PDCD6: variants seen among roughly 807,000 people sequenced by gnomAD.
The protein encoded by PDCD6 is programmed cell death 6.
PDCD6 carries 12 observed loss-of-function variants against 28.3 expected under a neutral mutation model. The observed-to-expected ratio is 0.42, with a 90% CI of 0.27 to 0.69. The LOEUF is 0.69. Among genes scored for constraint, PDCD6 ranks in the 30% least tolerant of loss-of-function variants. The pLI is 0.22. For synonymous variants in PDCD6, 92 were observed against 108.0 expected (o/e 0.85, Z 0.92); for missense variants, 226 against 269.9 (o/e 0.84, Z 1.14).
intron 2 of PDCD6, among the ~76,000 whole-genome samples, chr5:283,214 G>A (rs62345234): frequency 4.0e-5 from 6 of 151,854 alleles, no homozygotes; most frequent in African/African-American, 7.3e-5. Flanking sequence ...TGCAGCTGAA[G>A]ACTCGGGGAG....
At chr5:301,830 A>C (rs1405884803) in intron 2 of PDCD6, among the ~76,000 whole-genome samples, 6 of 143,820 alleles carry the variant, frequency 4.2e-5, no homozygotes, top group African/African-American at 1.6e-4. Context: ...TTGTGGGAAG[A>C]GCACAGCTTC....
intron 5 of PDCD6, among the ~76,000 whole-genome samples, chr5:313,078 C>T (rs1025026838): frequency 1.3e-5 from 2 of 152,230 alleles, no homozygotes; most frequent in African/African-American, 4.8e-5. Flanking sequence ...GAGATGCCTC[C>T]TCAAGGCCCT....
At chr5:272,127 G>C (rs1030103679) in intron 1 of PDCD6, among the ~76,000 whole-genome samples, 5 of 151,328 alleles carry the variant, frequency 3.3e-5, no homozygotes, top group African/African-American at 9.8e-5. Flanking sequence ...CCAAGATGCA[G>C]AGTGCGCCAC....
intron 4 of PDCD6, chr5:308,756 AG>A (rs1560863081): frequency 6.6e-6 from 1 of 152,242 alleles, no homozygotes; most frequent in African/African-American, 2.4e-5. Context: ...GGGAATCACC[AG>A]GGTGGTGAAG....
chr5:297,630 G>C (rs1266263443), intron 2 of PDCD6, among the ~76,000 whole-genome samples: 1 of 152,164 alleles, frequency 6.6e-6, no homozygotes, highest in Non-Finnish European at 1.5e-5. Context: ...GGGCTTCCTT[G>C]CACCTGTGCC....
chr5:292,225 A>G (rs1399415725), intron 2 of PDCD6, among the ~76,000 whole-genome samples: 1 of 151,986 alleles, frequency 6.6e-6, no homozygotes. Flanking sequence ...GTTTCTGTTA[A>G]GTTGTTTGAA....
At chr5:294,268 A>G (rs113683003) in intron 2 of PDCD6, among the ~76,000 whole-genome samples, 6 of 141,158 alleles carry the variant, frequency 4.3e-5, no homozygotes, top group Non-Finnish European at 7.4e-5. Context: ...AACACAAACC[A>G]TGGTCTAGAA....
At chr5:297,472 G>A (rs971524553) in intron 2 of PDCD6, among the ~76,000 whole-genome samples, 1 of 152,220 alleles carries the variant, frequency 6.6e-6, no homozygotes, top group African/African-American at 2.4e-5. Context: ...TATTTCAAGT[G>A]TAAAAGTGTT....
intron 2 of PDCD6, among the ~76,000 whole-genome samples, chr5:279,794 AAAAAAAAAAAAAC>A (rs1367530024): frequency 6.8e-6 from 1 of 147,854 alleles, no homozygotes; most frequent in African/African-American, 2.6e-5. Flanking sequence ...AAAAAAAAAA[AAAAAAAAAAAAAC>A]GAGGAGCCGG....
At chr5:289,314 A>G (rs1739175368) in intron 2 of PDCD6, 1 of 540,054 alleles carries the variant, frequency 1.9e-6, no homozygotes, top group South Asian at 2.4e-5. Flanking sequence ...CGGCATTACA[A>G]GGAGTTCTAT....
intron 4 of PDCD6, chr5:309,576 C>T (rs62330018): frequency 0.063 from 13,661 of 216,864 alleles, 1,265 homozygotes; most frequent in African/African-American, 0.32. Flanking sequence ...TGTCCCCGTG[C>T]ACCCCAGTGA....
At position 305,174 on chromosome 5, in the gene PDCD6, T is replaced by C. The variant is rs1292158621; in HGVS notation, c.208+953T>C. The C allele has an allele frequency of 6.6e-6, 1 of 152,430 alleles. No individual in the cohort carries two copies. Among genetic ancestry groups the C allele is most frequent in the East Asian group, 1.9e-4 (1 of 5,210 alleles). The allele number at this position is 152,430 out of a possible 1,614,324, so 9.4% of individuals were successfully genotyped here. Reference sequence around the variant, plus strand: ...GACTTGATTTCTGGAAGGTTCCCTTTGCTGGGAGGTGCAGCCCCCTTCAGA... The same window carrying C: ...GACTTGATTTCTGGAAGGTTCCCTTCGCTGGGAGGTGCAGCCCCCTTCAGA... On this transcript the variant is annotated intron_variant, in intron 3 of 5. Coordinates refer to ENST00000264933, the MANE Select transcript of PDCD6 (RefSeq NM_013232.4). The surrounding 1 kb of genome is among the most constrained non-coding windows in gnomAD (Gnocchi z 4.0).
intron 2 of PDCD6, among the ~76,000 whole-genome samples, chr5:282,272 CG>C (rs56327944): frequency 0.3 from 23,047 of 76,380 alleles, 3,684 homozygotes; most frequent in African/African-American, 0.57. Flanking sequence ...GCGGAAAAAT[CG>C]GGGGGGGGGG....
intron 4 of PDCD6, 123 bp from the exon 5 acceptor site, chr5:311,170 C>T (rs954578563): frequency 3.7e-5 from 27 of 733,670 alleles, no homozygotes; most frequent in African/African-American, 1.1e-4. Context: ...TTTGCACTTC[C>T]GTTCCCACAC....
chr5:300,298 G>A (rs1739969473), intron 2 of PDCD6, among the ~76,000 whole-genome samples: 2 of 152,224 alleles, frequency 1.3e-5, no homozygotes, highest in African/African-American at 4.8e-5. Flanking sequence ...GTTCAGGAGA[G>A]CCTCCCTGGT....
intron 2 of PDCD6, among the ~76,000 whole-genome samples, chr5:279,803 AAAAC>A (rs1232753052): frequency 0.08 from 11,623 of 144,948 alleles, 1,699 homozygotes; most frequent in African/African-American, 0.3. Flanking sequence ...AAAAAAAAAA[AAAAC>A]GAGGAGCCGG....
At chr5:288,232 T>C (rs151033878) in intron 2 of PDCD6, among the ~76,000 whole-genome samples, 2,553 of 150,596 alleles carry the variant, frequency 0.017, 71 homozygotes, top group African/African-American at 0.059. Context: ...GTATCCACTG[T>C]ATTCATCTCT....
chr5:303,297 T>TAAAAAAA (rs34022166), intron 2 of PDCD6, among the ~76,000 whole-genome samples: 1 of 129,226 alleles, frequency 7.7e-6, no homozygotes, highest in Non-Finnish European at 1.7e-5. Flanking sequence ...TTTTTGTGCA[T>TAAAAAAA]AAAAAAAAAA....
At chr5:287,483 T>C (rs1449960671) in intron 2 of PDCD6, among the ~76,000 whole-genome samples, 1 of 152,122 alleles carries the variant, frequency 6.6e-6, no homozygotes, top group African/African-American at 2.4e-5. Context: ...AGAAAGACCC[T>C]GATTAATACC....
Sources: gnomAD v4.1 joint callset for allele counts (sites outside exome capture counted in the v4.1 genomes callset) on GRCh38, gnomAD v4.1.1 for gene constraint, Gnocchi (gnomAD v3.1) non-coding constraint, MANE v1.5 for transcripts, NCBI Gene and HGNC (gene_info 2026-07-23, HGNC 2026-07-21) for gene names.